Variants in SEC14L4 observed in about 807,000 individuals in gnomAD.
SEC14L4 encodes the protein SEC14-like protein 4.
In SEC14L4, 42 loss-of-function variants were observed where a neutral mutation model predicts 55.1. The ratio of observed to expected loss-of-function variants is 0.76; its 90% CI spans 0.60 to 0.99. The LOEUF is 0.99. SEC14L4 is among the 50% of genes least tolerant of loss of function. The probability of loss-of-function intolerance (pLI) is 0.00; values close to 1 mark genes in which losing one functional copy is unlikely to be tolerated. For missense variants in SEC14L4, 445 were observed against 512.1 expected (o/e 0.87, Z 1.27); for synonymous variants, 206 against 206.8 (o/e 1.00, Z 0.03).
rs746216640 is a variant in SEC14L4, at chr22:30,490,247, C to A, written c.1082-1G>T. ...TAGGTGTTGTCGAAGCGCAGGACAT[C>A]TGCAGTGATGGAGAGGTGATCAGGG... is the stretch of plus-strand genomic sequence containing the variant. On this transcript the variant is annotated splice_acceptor_variant, in intron 11 of 11. Transcript: ENST00000255858. LOFTEE classifies it high-confidence loss of function. 1.9e-6 allele frequency: 3 copies of A among 1,612,934 alleles called. No homozygotes were observed. Among genetic ancestry groups the A allele is most frequent in the Non-Finnish European group, 8.5e-7 (1 of 1,180,018 alleles).
rs752055701 is a variant in SEC14L4 at position 30,491,830 on chromosome 22, C to T, written c.911+4G>A. The T allele has an allele frequency of 3.1e-6, 5 of 1,611,978 alleles. No individual in the cohort carries two copies. The highest frequency in any genetic ancestry group is 4.2e-6 in the Non-Finnish European group (5 of 1,179,040). Reference sequence around the variant, plus strand: ...CCCAGGTGTAGAGTGGCTGCCATCCCTACCTGAGCACACAGCCCGGGAACA... The same window carrying T: ...CCCAGGTGTAGAGTGGCTGCCATCCTTACCTGAGCACACAGCCCGGGAACA... On this transcript the variant is annotated splice_donor_region_variant and intron_variant, in intron 10 of 11. Transcript: ENST00000255858.
chr22:30,505,420 C>T (rs1936457931), intron 1 of SEC14L4, 138 bp downstream of exon 1: 1 of 904,734 alleles, frequency 1.1e-6, no homozygotes. Flanking sequence ...CAACCGCACG[C>T]TGGACCAGAG....
chr22:30,497,836 T>C (rs1292944536), intron 2 of SEC14L4, among the ~76,000 whole-genome samples: 1 of 152,170 alleles, frequency 6.6e-6, no homozygotes, highest in Non-Finnish European at 1.5e-5. Flanking sequence ...GAACGTTCTG[T>C]GATGATGGAA....
At chr22:30,504,083 G>C (rs1370313412) in intron 1 of SEC14L4, among the ~76,000 whole-genome samples, 1 of 146,712 alleles carries the variant, frequency 6.8e-6, no homozygotes, top group Non-Finnish European at 1.5e-5. Context: ...ATTGAAACAG[G>C]ATCTCACTCT....
chr22:30,496,238 G>A (rs112347480), intron 2 of SEC14L4, among the ~76,000 whole-genome samples: 4 of 152,072 alleles, frequency 2.6e-5, no homozygotes, highest in African/African-American at 7.2e-5. Context: ...CCAGCCTCCT[G>A]AGTAGCTGAG....
rs1390269105 is a variant in SEC14L4 at position 30,489,624 on chromosome 22, G to T, written c.*483C>A. The T allele has an allele frequency of 5.1e-6, 3 of 586,766 alleles. No homozygotes were observed. Among genetic ancestry groups the T allele is most frequent in the African/African-American group, 1.9e-5 (1 of 53,596 alleles). 36.3% of individuals were successfully genotyped at this position (586,766 alleles called of 1,614,324 possible). A position where few individuals can be genotyped will look rare whatever the true frequency, so the allele number is the denominator to read the frequency against. ...CTGGAACCAGGACCCTCACCCAGCT[G>T]CCTCCAGCTGGGCCTGCCCACCCCT... On this transcript the variant is annotated 3_prime_UTR_variant, in exon 12 of 12. Coordinates refer to ENST00000255858, the MANE Select transcript of SEC14L4 (RefSeq NM_174977.4).
intron 7 of SEC14L4, among the ~76,000 whole-genome samples, chr22:30,493,561 G>T (rs1053125670): frequency 6.6e-6 from 1 of 152,140 alleles, no homozygotes; most frequent in Non-Finnish European, 1.5e-5. Flanking sequence ...CCACTAGTGT[G>T]GTCCATGGAC....
intron 4 of SEC14L4, 35 bp from the exon 5 acceptor site, chr22:30,495,477 CT>C (rs1438613959): frequency 3.1e-6 from 5 of 1,609,964 alleles, no homozygotes; most frequent in Non-Finnish European, 3.4e-6. Flanking sequence ...CTCAATCCAG[CT>C]CACCAGGCTG....
At chr22:30,491,996 G>A in intron 9 of SEC14L4, 23 bp from the exon 10 acceptor site, 1 of 1,613,856 alleles carries the variant, frequency 6.2e-7, no homozygotes, top group Non-Finnish European at 8.5e-7. Flanking sequence ...GGGGTGTGTG[G>A]GCACTAGATC....
rs888872898 is a variant in SEC14L4, at chr22:30,489,459, C to T, written c.*648G>A. ...TTCACCATGTTGCCCAGGCTGGTCC[C>T]GAACTCCTGATCTCAGGTGATCTGC... On this transcript the variant is annotated 3_prime_UTR_variant, in exon 12 of 12. Transcript: ENST00000255858. 1.7e-5 allele frequency: 4 copies of T among 241,090 alleles called. No homozygotes were observed. Among genetic ancestry groups the T allele is most frequent in the South Asian group, 7.5e-5 (1 of 13,302 alleles). 14.9% of individuals were successfully genotyped at this position (241,090 alleles called of 1,614,324 possible). A position where few individuals can be genotyped will look rare whatever the true frequency, so the allele number is the denominator to read the frequency against.
At chr22:30,505,281 C>G (rs998589121) in intron 1 of SEC14L4, among the ~76,000 whole-genome samples, 7 of 152,206 alleles carry the variant, frequency 4.6e-5, no homozygotes, top group African/African-American at 1.4e-4. Flanking sequence ...GCGCCACTCC[C>G]TCCCCCACAA....
intron 2 of SEC14L4, among the ~76,000 whole-genome samples, chr22:30,501,846 C>CATATATATATATATATATATATATAT (rs3067218): frequency 1.4e-4 from 16 of 111,908 alleles, no homozygotes; most frequent in African/African-American, 2.5e-4. Flanking sequence ...CACACACGCA[C>CATATATATATATATATATATATATAT]ATATATATAT....
At chr22:30,492,768 C>T (rs1936006507) in intron 7 of SEC14L4, 1 of 537,568 alleles carries the variant, frequency 1.9e-6, no homozygotes, top group Admixed American at 3.1e-5. Flanking sequence ...TAACACCTGG[C>T]ACAGTTCCTG....
chr22:30,504,913 G>A (rs1403941527), intron 1 of SEC14L4, among the ~76,000 whole-genome samples: 1 of 152,014 alleles, frequency 6.6e-6, no homozygotes, highest in Non-Finnish European at 1.5e-5. Context: ...TCAGGAGTTC[G>A]AGACCAGCCT....
At chr22:30,495,009 G>T in intron 5 of SEC14L4, 48 bp from the exon 6 acceptor site, 3 of 1,517,246 alleles carry the variant, frequency 2.0e-6, no homozygotes, top group Non-Finnish European at 1.8e-6. Flanking sequence ...CCAGCCAGGA[G>T]ATCCTGGCCA....
chr22:30,496,242 A>T lies in SEC14L4; in HGVS notation c.131-271T>A, dbSNP rs566952750. Among the ~76,000 whole-genome samples the T allele has an allele frequency of 3.3e-5, 5 of 151,964 alleles. No individual in the cohort carries two copies. In the East Asian group the frequency reaches 9.7e-4, roughly 29 times the overall value. Reference sequence around the variant, plus strand: ...ATCCTCCTACCCCAGCCTCCTGAGTAGCTGAGACTACAGGGCCACACCACC... The same window carrying T: ...ATCCTCCTACCCCAGCCTCCTGAGTTGCTGAGACTACAGGGCCACACCACC... On this transcript the variant is annotated intron_variant, in intron 2 of 11. Coordinates refer to ENST00000255858, the MANE Select transcript of SEC14L4 (RefSeq NM_174977.4).
chr22:30,492,399 G>T, intron 8 of SEC14L4, 75 bp downstream of exon 8: 2 of 1,394,830 alleles, frequency 1.4e-6, no homozygotes, highest in Non-Finnish European at 2.0e-6. Context: ...GGACGAGCCA[G>T]GGAGAAGCAG....
At chr22:30,492,307 C>T (rs1324399934) in intron 8 of SEC14L4, 152 bp from the exon 9 acceptor site, 5 of 1,184,592 alleles carry the variant, frequency 4.2e-6, no homozygotes, top group African/African-American at 1.5e-5. Context: ...ATGTGGCTCC[C>T]AGCCCACGGT....
chr22:30,498,607 T>C (rs1936222402), intron 2 of SEC14L4, among the ~76,000 whole-genome samples: 1 of 152,236 alleles, frequency 6.6e-6, no homozygotes, highest in Admixed American at 6.5e-5. Flanking sequence ...AACAGTAATG[T>C]TGATTGATTG....
Sources: gnomAD v4.1 joint callset for allele counts (sites outside exome capture counted in the v4.1 genomes callset) on GRCh38, gnomAD v4.1.1 for gene constraint, MANE v1.5 for transcripts, NCBI Gene and HGNC (gene_info 2026-07-23, HGNC 2026-07-21) for gene names.